NKAIN2: variants seen among roughly 807,000 people sequenced by gnomAD.
The protein encoded by NKAIN2 is sodium/potassium-transporting ATPase subunit beta-1-interacting protein 2.
A neutral mutation model predicts 32.6 loss-of-function variants in NKAIN2; 14 were observed. The ratio of observed to expected loss-of-function variants is 0.43; its 90% CI spans 0.28 to 0.67. The LOEUF (loss-of-function observed/expected upper bound fraction) is 0.67, where lower values mean the gene tolerates loss of function less well. Among genes scored for constraint, NKAIN2 ranks in the 30% least tolerant of loss-of-function variants. The pLI is 0.17. For missense variants in NKAIN2, 198 were observed against 258.3 expected, an observed-to-expected ratio of 0.77 and a Z score of 1.60; for synonymous variants, 80 against 87.2, an observed-to-expected ratio of 0.92 and a Z score of 0.46.
chr6:124,346,188 G>T (rs1184880463), intron 2 of NKAIN2, among the ~76,000 whole-genome samples: 2 of 152,080 alleles, frequency 1.3e-5, no homozygotes, highest in African/African-American at 2.4e-5. Flanking sequence ...ATTGCACTGT[G>T]GTTTGAGAGA....
chr6:124,542,884 G>T (rs1290913395), intron 3 of NKAIN2, among the ~76,000 whole-genome samples: 1 of 152,072 alleles, frequency 6.6e-6, no homozygotes, highest in African/African-American at 2.4e-5. Flanking sequence ...AACATTAAAA[G>T]AATGAAAAGA....
chr6:124,288,268 C>G (rs1214359197), intron 2 of NKAIN2, among the ~76,000 whole-genome samples: 1 of 152,146 alleles, frequency 6.6e-6, no homozygotes, highest in East Asian at 1.9e-4. Context: ...GACAACCAGT[C>G]TGTCCTTGTA....
chr6:124,573,306 A>T (rs550683579), intron 3 of NKAIN2, among the ~76,000 whole-genome samples: 1 of 152,092 alleles, frequency 6.6e-6, no homozygotes, highest in East Asian at 1.9e-4. Context: ...ACTACTTCCT[A>T]TTGGGGTGGT....
chr6:124,201,748 A>T (rs889776533), intron 1 of NKAIN2, among the ~76,000 whole-genome samples: 1 of 152,034 alleles, frequency 6.6e-6, no homozygotes, highest in African/African-American at 2.4e-5. Context: ...AGATGGTAGA[A>T]AATGAAAGAA....
At chr6:123,861,994 G>A (rs547727525) in intron 1 of NKAIN2, among the ~76,000 whole-genome samples, 2 of 152,214 alleles carry the variant, frequency 1.3e-5, no homozygotes, top group African/African-American at 4.8e-5. Flanking sequence ...GAACAAACAG[G>A]ATGAAAAATA....
intron 5 of NKAIN2, among the ~76,000 whole-genome samples, chr6:124,805,658 T>C (rs1363695767): frequency 3.3e-5 from 5 of 152,040 alleles, no homozygotes; most frequent in African/African-American, 1.2e-4. Flanking sequence ...CTTTGACGAG[T>C]TGAGAGAAGA....
At chr6:124,814,663 C>A (rs1222342580) in intron 5 of NKAIN2, among the ~76,000 whole-genome samples, 1 of 152,130 alleles carries the variant, frequency 6.6e-6, no homozygotes. Context: ...GCATCACAGG[C>A]TCAGGACACC....
chr6:124,124,835 G>T (rs112150566), intron 1 of NKAIN2, among the ~76,000 whole-genome samples: 1 of 152,124 alleles, frequency 6.6e-6, no homozygotes, highest in Admixed American at 6.6e-5. Flanking sequence ...ATCATTGTGT[G>T]CAGTTGGCTA....
At chr6:124,664,448 A>G (rs1772672986) in intron 4 of NKAIN2, among the ~76,000 whole-genome samples, 1 of 152,112 alleles carries the variant, frequency 6.6e-6, no homozygotes, top group African/African-American at 2.4e-5. Flanking sequence ...ATGGGAAAAA[A>G]TCAAATTTAA....
intron 1 of NKAIN2, among the ~76,000 whole-genome samples, chr6:123,899,022 AGAGGTGG>A (rs1774428528): frequency 6.6e-6 from 1 of 152,216 alleles, no homozygotes; most frequent in East Asian, 1.9e-4. Context: ...GGATGTGCAC[AGAGGTGG>A]GTCAAATCAC....
intron 3 of NKAIN2, among the ~76,000 whole-genome samples, chr6:124,550,979 G>T (rs569813604): frequency 1.3e-5 from 2 of 152,246 alleles, no homozygotes; most frequent in Admixed American, 6.5e-5. Context: ...CCTAATAGTA[G>T]AATTGCAAGG....
intron 3 of NKAIN2, among the ~76,000 whole-genome samples, chr6:124,557,725 G>A (rs1042061948): frequency 2.6e-5 from 4 of 152,126 alleles, no homozygotes; most frequent in African/African-American, 4.8e-5. Flanking sequence ...CATAATTTAC[G>A]ATGCCTGACT....
At position 124,713,163 on chromosome 6, in the gene NKAIN2, A is replaced by G. The variant is rs144518541; in HGVS notation, c.474+54777A>G. Among the ~76,000 whole-genome samples the G allele has an allele frequency of 6.6e-5, 10 of 152,326 alleles. No homozygotes were observed. In the East Asian group the frequency reaches 1.9e-3, roughly 29 times the overall value. ...ACATAACTCATTAATCTTCACAGCA[A>G]TCCTATGATATAGGATTATGCTTCC... On this transcript the variant is annotated intron_variant, in intron 4 of 6. Coordinates refer to ENST00000368417, the MANE Select transcript of NKAIN2 (RefSeq NM_001040214.3).
At chr6:123,978,958 A>G (rs1778769184) in intron 1 of NKAIN2, among the ~76,000 whole-genome samples, 1 of 152,164 alleles carries the variant, frequency 6.6e-6, no homozygotes, top group African/African-American at 2.4e-5. Context: ...AGTTTCGGAG[A>G]TCATTGCATT....
intron 3 of NKAIN2, among the ~76,000 whole-genome samples, chr6:124,429,965 A>AT (rs1378646189): frequency 6.6e-5 from 10 of 152,010 alleles, no homozygotes; most frequent in Non-Finnish European, 1.3e-4. Flanking sequence ...GAGACATTAA[A>AT]TTTAGGTAGA....
intron 1 of NKAIN2, among the ~76,000 whole-genome samples, chr6:123,991,444 A>G (rs565305021): frequency 1.1e-3 from 168 of 148,658 alleles, no homozygotes; most frequent in African/African-American, 4.0e-3. Context: ...GATCCTGAGT[A>G]GGACAATTAT....
At chr6:123,883,894 CA>C (rs369070419) in intron 1 of NKAIN2, among the ~76,000 whole-genome samples, 264 of 63,840 alleles carry the variant, frequency 4.1e-3, no homozygotes, top group African/African-American at 0.012. Flanking sequence ...GACTCTGTCT[CA>C]AAAAAAAAAA....
intron 3 of NKAIN2, among the ~76,000 whole-genome samples, chr6:124,569,572 G>A (rs1781049698): frequency 6.6e-6 from 1 of 152,218 alleles, no homozygotes; most frequent in Admixed American, 6.5e-5. Flanking sequence ...CCGTGAATAA[G>A]GCTCGTGAGA....
At chr6:124,526,289 T>C (rs930635003) in intron 3 of NKAIN2, among the ~76,000 whole-genome samples, 17 of 152,006 alleles carry the variant, frequency 1.1e-4, no homozygotes, top group African/African-American at 3.9e-4. Flanking sequence ...ACATATAGGA[T>C]GGATAAGGAG....
Sources: allele counts gnomAD v4.1 joint callset (sites outside exome capture counted in the v4.1 genomes callset), GRCh38; gene constraint gnomAD v4.1.1; transcripts MANE v1.5; gene names NCBI Gene and HGNC (gene_info 2026-07-23, HGNC 2026-07-21).